The following HMCN2 variants were observed in gnomAD, a reference collection of about 807,000 sequenced individuals.
HMCN2 encodes hemicentin 2, also known as hemicentin-2.
HMCN2 carries 325 observed loss-of-function variants against 377.5 expected under a neutral mutation model. That is an observed-to-expected ratio of 0.86 (90% confidence interval 0.79 to 0.94). HMCN2 has a LOEUF of 0.94. Among genes scored for constraint, HMCN2 ranks in the 40% least tolerant of loss-of-function variants. The pLI is 0.00. For missense variants in HMCN2, 4,543 were observed against 4,725.3 expected (o/e 0.96, Z 1.13); for synonymous variants, 2,007 against 2,046.8 (o/e 0.98, Z 0.53).
At chr9:130,280,231 C>T (rs372033415) in intron 1 of HMCN2, among the ~76,000 whole-genome samples, 4 of 148,286 alleles carry the variant, frequency 2.7e-5, no homozygotes, top group African/African-American at 5.0e-5. Flanking sequence ...TGCGCGATCT[C>T]GGCTCACTGC....
intron 39 of HMCN2, 85 bp from the exon 40 acceptor site, chr9:130,362,782 C>T (rs1840452747): frequency 2.1e-6 from 2 of 967,918 alleles, no homozygotes; most frequent in African/African-American, 3.5e-5. Flanking sequence ...GGCAGCAAGG[C>T]CGGCTTGGGC....
At chr9:130,400,598 A>G in intron 76 of HMCN2, 185 bp from the exon 77 acceptor site, 1 of 235,612 alleles carries the variant, frequency 4.2e-6, no homozygotes, top group Non-Finnish European at 8.3e-6. Flanking sequence ...AAAGAAAAAA[A>G]ACTATAGCCC....
intron 45 of HMCN2, 30 bp from the exon 46 acceptor site, chr9:130,370,934 C>T: frequency 1.0e-6 from 1 of 985,878 alleles, no homozygotes; most frequent in Non-Finnish European, 1.2e-6. Context: ...CATATCTGCA[C>T]CCTGAATGTG....
At chr9:130,346,731 C>T (rs1255506460) in intron 25 of HMCN2, among the ~76,000 whole-genome samples, 1 of 149,750 alleles carries the variant, frequency 6.7e-6, no homozygotes, top group East Asian at 1.9e-4. Flanking sequence ...GCCTGGCCCT[C>T]GTCGGGTGGG....
At chr9:130,407,141 A>C (rs137923462) in intron 82 of HMCN2, 1,597 of 159,676 alleles carry the variant, frequency 0.01, 31 homozygotes, top group African/African-American at 0.037. Flanking sequence ...TCCCAGCTAC[A>C]TGGGAGGCTA....
chr9:130,349,682 G>A lies in HMCN2; in HGVS notation c.4430+19G>A, dbSNP rs752232225. 16 of 1,299,050 alleles carry A rather than the reference G, an allele frequency of 1.2e-5. No homozygotes were observed. The highest frequency in any genetic ancestry group is 5.6e-5 in the East Asian group (1 of 17,874). The allele number at this position is 1,299,050 out of a possible 1,614,324, so 80.5% of individuals were successfully genotyped here. On this transcript the variant is annotated intron_variant, in intron 29 of 97. Transcript: ENST00000683500. Reference sequence around the variant, plus strand: ...ACAGGCAGTGAGTGCCCCCCTCCCCGAGGATGGCGTGTGGTGGTGCCCAGA... The same window carrying A: ...ACAGGCAGTGAGTGCCCCCCTCCCCAAGGATGGCGTGTGGTGGTGCCCAGA...
chr9:130,317,507 T>TCTC (rs1837627187), intron 15 of HMCN2, among the ~76,000 whole-genome samples: 40 of 133,066 alleles, frequency 3.0e-4, no homozygotes, highest in African/African-American at 1.1e-3. Context: ...CTCTCTCTCT[T>TCTC]TTTTGTAGAC....
rs1017817229 is a variant in HMCN2 at position 130,398,622 on chromosome 9, G to C, written c.11398G>C (p.Glu3800Gln). The change falls in exon 75 of 98, where the codon GAG becomes CAG. Residue 3800 changes from glutamate (E) to glutamine (Q), a missense_variant. Physicochemically the swap from Glu to Gln is conservative, Grantham distance 29. Transcript: ENST00000683500. ...CCACACCCCAGCCTTGCTGCCCTGC[G>C]AGGCCAGCGGCTCCCCTAAGCCCCT... The part of the protein sequence containing the change: ...TAHTPALLPC[E>Q]ASGSPKPLVV... The C allele has an allele frequency of 3.1e-6, 4 of 1,288,494 alleles. No individual in the cohort carries two copies. Among genetic ancestry groups the C allele is most frequent in the Non-Finnish European group, 4.0e-6 (4 of 987,896 alleles). 79.8% of individuals were successfully genotyped at this position (1,288,494 alleles called of 1,614,324 possible).
intron 85 of HMCN2, among the ~76,000 whole-genome samples, chr9:130,415,406 C>G (rs1436136971): frequency 6.6e-6 from 1 of 152,002 alleles, no homozygotes; most frequent in African/African-American, 2.4e-5. Context: ...GGCACAATCA[C>G]AGCTCACTGC....
chr9:130,341,826 T>C (rs1839064936), intron 24 of HMCN2, among the ~76,000 whole-genome samples: 1 of 151,942 alleles, frequency 6.6e-6, no homozygotes. Context: ...GTGAAGCACC[T>C]GGCGCATAGA....
chr9:130,305,892 G>A (rs1485470405), intron 11 of HMCN2, among the ~76,000 whole-genome samples: 3 of 152,170 alleles, frequency 2.0e-5, no homozygotes, highest in Non-Finnish European at 2.9e-5. Flanking sequence ...ACAGGGCTCC[G>A]GGTTGGGATT....
chr9:130,312,487 C>G (rs1327516262), intron 15 of HMCN2, among the ~76,000 whole-genome samples: 3 of 144,538 alleles, frequency 2.1e-5, no homozygotes, highest in Admixed American at 6.9e-5. Context: ...CTTTCTTTCT[C>G]TCTCTCTCTT....
At chr9:130,359,156 C>A (rs1205487116) in intron 36 of HMCN2, among the ~76,000 whole-genome samples, 163 bp from the exon 37 acceptor site, 1 of 152,132 alleles carries the variant, frequency 6.6e-6, no homozygotes, top group African/African-American at 2.4e-5. Context: ...CTTGGGCTTG[C>A]TTCCAGGAGT....
chr9:130,308,257 A>G lies in HMCN2; in HGVS notation c.2200+691A>G, dbSNP rs1428467781. Among the ~76,000 whole-genome samples, 1 of 152,194 alleles carries G rather than the reference A, an allele frequency of 6.6e-6. No homozygotes were observed. Among genetic ancestry groups the G allele is most frequent in the Non-Finnish European group, 1.5e-5 (1 of 68,030 alleles). On this transcript the variant is annotated intron_variant, in intron 14 of 97. Coordinates refer to ENST00000683500, the MANE Select transcript of HMCN2 (RefSeq NM_001291815.2). This position sits in a 1 kb window ranked among gnomAD's most constrained non-coding sequence, Gnocchi z 4.1. ...CAGGCGTGAGCCACTGTGCCTGGCC[A>G]TATGTGCAAAGGTTTTAGAACAAGC... is the stretch of plus-strand genomic sequence containing the variant.
At chr9:130,412,102 G>T (rs1171688015) in intron 85 of HMCN2, among the ~76,000 whole-genome samples, 2 of 152,162 alleles carry the variant, frequency 1.3e-5, no homozygotes, top group African/African-American at 2.4e-5. Context: ...CTCCTGAGTG[G>T]CTGGGATTAT....
Position 130,369,501 on chromosome 9 carries a change from C to G in HMCN2, c.6788-69C>G. The G allele has an allele frequency of 4.4e-6, 4 of 907,504 alleles. No individual in the cohort carries two copies. Among genetic ancestry groups the G allele is most frequent in the Non-Finnish European group, 5.3e-6 (4 of 758,386 alleles). The allele number at this position is 907,504 out of a possible 1,614,324, so 56.2% of individuals were successfully genotyped here. A position where few individuals can be genotyped will look rare whatever the true frequency, so the allele number is the denominator to read the frequency against. ...GGAGAGGGTGTGTCCCTATTGGGCC[C>G]GGGGTAAGTGTGTGGTGCCTGGTGG... On this transcript the variant is annotated intron_variant, in intron 44 of 97. Coordinates refer to ENST00000683500, the MANE Select transcript of HMCN2 (RefSeq NM_001291815.2). The surrounding 1 kb of genome is among the most constrained non-coding windows in gnomAD (Gnocchi z 4.5).
intron 8 of HMCN2, among the ~76,000 whole-genome samples, chr9:130,299,577 A>G (rs1554933567): frequency 6.6e-6 from 1 of 151,418 alleles, no homozygotes; most frequent in Non-Finnish European, 1.5e-5. Context: ...CCATTCACTC[A>G]CCCACCCATC....
intron 76 of HMCN2, 147 bp from the exon 77 acceptor site, chr9:130,400,636 C>T (rs1460630955): frequency 1.1e-5 from 4 of 369,570 alleles, no homozygotes; most frequent in African/African-American, 2.2e-5. Context: ...GCTGAGTGGG[C>T]AAATGTGACT....
At chr9:130,332,480 G>A (rs1297710437) in intron 22 of HMCN2, among the ~76,000 whole-genome samples, 1 of 152,236 alleles carries the variant, frequency 6.6e-6, no homozygotes, top group African/African-American at 2.4e-5. Context: ...GAGCGTGTTT[G>A]GCGGCACAGT....
Sources: allele counts gnomAD v4.1 joint callset (sites outside exome capture counted in the v4.1 genomes callset), GRCh38; gene constraint gnomAD v4.1.1; non-coding constraint Gnocchi (gnomAD v3.1); transcripts MANE v1.5; gene names NCBI Gene and HGNC (gene_info 2026-07-23, HGNC 2026-07-21).